The following PTPN4 variants were observed in gnomAD, a reference collection of about 807,000 sequenced individuals.
The protein encoded by PTPN4 is tyrosine-protein phosphatase non-receptor type 4.
Under a neutral mutation model 135.5 loss-of-function variants are expected in PTPN4, and 49 were observed. That is an observed-to-expected ratio of 0.36 (90% CI 0.29 to 0.46). The LOEUF (loss-of-function observed/expected upper bound fraction) is 0.46. PTPN4 is among the 20% of genes least tolerant of loss of function. The pLI is 1.00. For missense variants in PTPN4, 860 were observed against 1,101.0 expected, an observed-to-expected ratio of 0.78 and a Z score of 3.10; for synonymous variants, 333 against 369.9, an observed-to-expected ratio of 0.90 and a Z score of 1.14.
At chr2:119,830,630 C>T (rs934913963) in intron 2 of PTPN4, among the ~76,000 whole-genome samples, 6 of 151,996 alleles carry the variant, frequency 3.9e-5, no homozygotes, top group South Asian at 2.1e-4. Flanking sequence ...CACCACGCCC[C>T]GCTAATTTTT....
At position 119,955,206 on chromosome 2, in the gene PTPN4, G is replaced by A. The variant is rs1356119670; in HGVS notation, c.1863G>A (p.Gln621=). ...EEKLENEPDF[Q]YIPEKAPLDS... ...AGCTAGAAAATGAGCCAGATTTCCAGTATATTCCTGAGAAAGCCCCACTAG... is the reference window on the plus strand; with the variant it reads ...AGCTAGAAAATGAGCCAGATTTCCAATATATTCCTGAGAAAGCCCCACTAG... The change falls in exon 20 of 27, where the codon CAG becomes CAA. Residue 621 remains glutamine, a synonymous_variant. Transcript: ENST00000263708. 2 of 1,612,896 alleles carry A rather than the reference G, an allele frequency of 1.2e-6. No homozygotes were observed. The highest frequency in any genetic ancestry group is 1.7e-6 in the Non-Finnish European group (2 of 1,179,624).
chr2:119,918,919 A>G (rs1339025791), intron 11 of PTPN4, among the ~76,000 whole-genome samples: 2 of 152,232 alleles, frequency 1.3e-5, no homozygotes, highest in Admixed American at 1.3e-4. Flanking sequence ...TGCTTCATAA[A>G]CGTTGAATTT....
intron 10 of PTPN4, among the ~76,000 whole-genome samples, chr2:119,904,445 A>G (rs570873214): frequency 8.5e-5 from 13 of 152,294 alleles, no homozygotes; most frequent in African/African-American, 2.9e-4. Flanking sequence ...AAAATTTCAG[A>G]AGAGTTGGGC....
At chr2:119,778,882 C>T (rs1053825770) in intron 1 of PTPN4, among the ~76,000 whole-genome samples, 21 of 151,416 alleles carry the variant, frequency 1.4e-4, no homozygotes, top group African/African-American at 4.9e-4. Context: ...ATTCCTGTTT[C>T]AGATGATTGA....
At chr2:119,766,484 C>CACG (rs1690631741) in intron 1 of PTPN4, among the ~76,000 whole-genome samples, 1 of 103,826 alleles carries the variant, frequency 9.6e-6, no homozygotes, top group African/African-American at 4.3e-5. Flanking sequence ...GTGTGTGTGT[C>CACG]TGTGTGTGTG....
At chr2:119,865,377 A>G (rs775981125) in intron 3 of PTPN4, among the ~76,000 whole-genome samples, 3 of 152,172 alleles carry the variant, frequency 2.0e-5, no homozygotes, top group Non-Finnish European at 4.4e-5. Context: ...TATTCTCACA[A>G]TACTTTCCTC....
Position 119,984,881 on chromosome 2 carries a change from T to C in PTPN4, c.*7811T>C, listed in dbSNP as rs1396652683. ...TTAATGTTCAATTGCAAAATAAAGA[T>C]GTGCTTTAGTAATCTAAAGTACAGA... On this transcript the variant is annotated 3_prime_UTR_variant, in exon 27 of 27. Transcript: ENST00000263708. 3.9e-5 allele frequency among the ~76,000 whole-genome samples: 6 copies of C among 152,244 alleles called. No homozygotes were observed. Among genetic ancestry groups the C allele is most frequent in the African/African-American group, 1.2e-4 (5 of 41,480 alleles).
Position 119,920,155 on chromosome 2 carries a change from C to T in PTPN4, c.915C>T (p.His305=). 1 of 1,613,594 alleles carries T rather than the reference C, an allele frequency of 6.2e-7. No homozygotes were observed. The highest frequency in any genetic ancestry group is 2.2e-5 in the East Asian group (1 of 44,824). ...KNLWKACVEH[H]TFFRLDRPLP... ...TGTGGAAAGCATGTGTAGAACATCA[C>T]ACATTCTTCCGTTTGGACAGACCAC... Residue 305 remains histidine (H), a synonymous_variant, in exon 12 of 27, where the codon CAC becomes CAT. Transcript: ENST00000263708.
At chr2:119,936,214 G>A (rs953723306) in intron 15 of PTPN4, among the ~76,000 whole-genome samples, 1 of 152,178 alleles carries the variant, frequency 6.6e-6, no homozygotes, top group Non-Finnish European at 1.5e-5. Context: ...GTGTTAGCCA[G>A]GATGGTCTCG....
chr2:119,796,860 TTGTGTGTGTGTGTGTGTG>T (rs112883330), intron 1 of PTPN4, among the ~76,000 whole-genome samples: 13 of 147,646 alleles, frequency 8.8e-5, no homozygotes, highest in Middle Eastern at 3.6e-3. Flanking sequence ...GTCACTGTTT[TTGTGTGTGTGTGTGTGTG>T]TGTGTGTGTG....
chr2:119,795,595 C>G (rs1460028709), intron 1 of PTPN4, among the ~76,000 whole-genome samples: 3 of 152,250 alleles, frequency 2.0e-5, no homozygotes, highest in Non-Finnish European at 2.9e-5. Context: ...GCGTTGACAA[C>G]AGGGAGAGGC....
chr2:119,828,353 G>A (rs756975263), intron 2 of PTPN4, among the ~76,000 whole-genome samples: 47 of 152,196 alleles, frequency 3.1e-4, no homozygotes, highest in Admixed American at 3.3e-4. Flanking sequence ...ACTAATATTT[G>A]TTTGGTTTAT....
intron 2 of PTPN4, among the ~76,000 whole-genome samples, chr2:119,816,526 C>A (rs1021738001): frequency 2.6e-5 from 4 of 152,150 alleles, no homozygotes; most frequent in Non-Finnish European, 5.9e-5. Flanking sequence ...CAGGGTGATT[C>A]AAGCACATTA....
intron 13 of PTPN4, among the ~76,000 whole-genome samples, chr2:119,927,358 C>G (rs184587074): frequency 1.3e-5 from 2 of 151,878 alleles, no homozygotes; most frequent in Non-Finnish European, 2.9e-5. Context: ...TGATCCCCCC[C>G]ACCTTGGCCT....
chr2:119,871,688 T>C (rs1478497574), intron 3 of PTPN4, among the ~76,000 whole-genome samples: 1 of 152,140 alleles, frequency 6.6e-6, no homozygotes, highest in Non-Finnish European at 1.5e-5. Flanking sequence ...GTTTTTTTGC[T>C]CTGTATGTGT....
chr2:119,862,721 A>G (rs1677778952), intron 3 of PTPN4, 78 bp downstream of exon 3: 7 of 1,186,972 alleles, frequency 5.9e-6, no homozygotes, highest in Non-Finnish European at 4.8e-6. Context: ...TCTGATTTAC[A>G]GTGTTCACTG....
chr2:119,810,021 T>A (rs1162028324), intron 2 of PTPN4, 30 bp downstream of exon 2: 3 of 1,581,230 alleles, frequency 1.9e-6, no homozygotes, highest in African/African-American at 2.7e-5. Flanking sequence ...TAAAAAATAA[T>A]CTCTGGCTAT....
chr2:119,778,875 C>T (rs1690886791), intron 1 of PTPN4, among the ~76,000 whole-genome samples: 1 of 151,308 alleles, frequency 6.6e-6, no homozygotes, highest in Non-Finnish European at 1.5e-5. Flanking sequence ...GTTACGCATT[C>T]CTGTTTCAGA....
intron 24 of PTPN4, among the ~76,000 whole-genome samples, chr2:119,964,396 C>CA (rs1478761495): frequency 6.6e-6 from 1 of 152,170 alleles, no homozygotes; most frequent in Non-Finnish European, 1.5e-5. Flanking sequence ...CTTGGCTCTC[C>CA]AAAAAGAATT....
Sources: allele counts gnomAD v4.1 joint callset (sites outside exome capture counted in the v4.1 genomes callset), GRCh38; gene constraint gnomAD v4.1.1; transcripts MANE v1.5; gene names NCBI Gene and HGNC (gene_info 2026-07-23, HGNC 2026-07-21).